PDE1C: variants seen among roughly 807,000 people sequenced by gnomAD.
The protein encoded by PDE1C is phosphodiesterase 1C.
In PDE1C, 62 loss-of-function variants were observed where a neutral mutation model predicts 93.1. That is an observed-to-expected ratio of 0.67 (90% CI 0.54 to 0.82). The LOEUF is 0.82. Ranked by LOEUF, PDE1C falls within the 40% of genes least tolerant of loss-of-function variation. The pLI, the probability that PDE1C is intolerant of heterozygous loss-of-function variation, is 0.00. For missense variants in PDE1C, 742 were observed against 884.6 expected (o/e 0.84, Z 2.04); for synonymous variants, 325 against 310.1 (o/e 1.05, Z -0.50).
intron 3 of PDE1C, among the ~76,000 whole-genome samples, chr7:32,131,385 A>G (rs749238757): frequency 2.6e-5 from 4 of 152,156 alleles, no homozygotes; most frequent in East Asian, 1.9e-4. Flanking sequence ...AACCTAGTTC[A>G]TGGTAGATTC....
intron 1 of PDE1C, among the ~76,000 whole-genome samples, chr7:32,379,523 C>T (rs1475234897): frequency 6.6e-6 from 1 of 152,156 alleles, no homozygotes; most frequent in East Asian, 1.9e-4. Context: ...CAGCCCAATT[C>T]CACCCCTACA....
chr7:32,184,774 A>G (rs1310090015), intron 2 of PDE1C, among the ~76,000 whole-genome samples: 1 of 152,166 alleles, frequency 6.6e-6, no homozygotes, highest in Non-Finnish European at 1.5e-5. Context: ...GTGCACATGT[A>G]CCCTAAAACT....
chr7:31,683,680 C>G, the PDE1C span, among the ~76,000 whole-genome samples: 1 of 152,110 alleles, frequency 6.6e-6, no homozygotes, highest in South Asian at 2.1e-4. Context: ...TCTCTCTTTC[C>G]CCCTCCCTGA....
chr7:31,623,733 C>A, the PDE1C span, among the ~76,000 whole-genome samples: 1 of 143,952 alleles, frequency 6.9e-6, no homozygotes, highest in African/African-American at 2.5e-5. Flanking sequence ...ACCTCTATCA[C>A]CACGCCTATT....
At chr7:32,168,054 T>C (rs1190345751) in intron 3 of PDE1C, among the ~76,000 whole-genome samples, 2 of 152,150 alleles carry the variant, frequency 1.3e-5, no homozygotes, top group Non-Finnish European at 2.9e-5. Flanking sequence ...GAAGAAAGGA[T>C]AGTTACAAAA....
chr7:31,667,746 T>G, the PDE1C span, among the ~76,000 whole-genome samples: 1 of 152,014 alleles, frequency 6.6e-6, no homozygotes, highest in East Asian at 1.9e-4. Context: ...CGAGGTAGGA[T>G]GGCTCTGTCA....
Position 31,816,088 on chromosome 7 carries a change from A to G in PDE1C, c.1649T>C (p.Met550Thr), listed in dbSNP as rs145469427. 1.0e-4 allele frequency: 168 copies of G among 1,613,470 alleles called. No individual in the cohort carries two copies. Among genetic ancestry groups the G allele is most frequent in the Admixed American group, 6.7e-5 (4 of 59,944 alleles). Reference protein sequence around the residue: ...RLAAEEQQKEMEAKSQAEEGA... With the variant: ...RLAAEEQQKETEAKSQAEEGA... ...TTCTTCAGCCTGGCTTTTGGCTTCC[A>G]TTTCCTTTTGCTGCTCCTCTGCGGC... The change falls in exon 15 of 18, where the codon ATG becomes ACG. Residue 550 changes from methionine (M) to threonine (T), a missense_variant. Physicochemically the swap from Met to Thr is moderately conservative, Grantham distance 81 (BLOSUM62 -1). This residue lies in a region of PDE1C where 454 missense variants were observed against 459.4 expected (regional missense o/e 0.99). Transcript: ENST00000396191.
At chr7:32,011,196 ATT>A (rs34261812) in intron 2 of PDE1C, among the ~76,000 whole-genome samples, 23 of 146,690 alleles carry the variant, frequency 1.6e-4, no homozygotes, top group African/African-American at 3.0e-4. Flanking sequence ...TAAATTAACA[ATT>A]TTTTTTTTTT....
At chr7:32,180,971 G>A (rs1803365080) in intron 2 of PDE1C, among the ~76,000 whole-genome samples, 1 of 152,178 alleles carries the variant, frequency 6.6e-6, no homozygotes, top group Admixed American at 6.5e-5. Flanking sequence ...ATAATAGCTG[G>A]AAGTAATGAG....
At chr7:31,934,306 A>T (rs1804725146) in intron 2 of PDE1C, among the ~76,000 whole-genome samples, 1 of 152,196 alleles carries the variant, frequency 6.6e-6, no homozygotes. Flanking sequence ...GTTTTTTAAA[A>T]TGTGCCCACT....
intron 3 of PDE1C, among the ~76,000 whole-genome samples, chr7:32,152,728 T>A (rs760002357): frequency 1.3e-5 from 2 of 152,214 alleles, no homozygotes; most frequent in Non-Finnish European, 2.9e-5. Context: ...AATCTAAATG[T>A]CCAGCAATAG....
the PDE1C span, among the ~76,000 whole-genome samples, chr7:31,743,572 T>C: frequency 5.4e-5 from 8 of 148,150 alleles, no homozygotes; most frequent in East Asian, 2.0e-4. Flanking sequence ...TGTGTGTGTG[T>C]GCGCACACAC....
chr7:32,242,281 A>G (rs1225910425), intron 1 of PDE1C, among the ~76,000 whole-genome samples: 2 of 152,190 alleles, frequency 1.3e-5, no homozygotes, highest in Non-Finnish European at 2.9e-5. Context: ...GACAATGAAG[A>G]TAGGTTCAAG....
intron 1 of PDE1C, among the ~76,000 whole-genome samples, chr7:32,307,551 C>T (rs1472191175): frequency 6.6e-6 from 1 of 152,168 alleles, no homozygotes; most frequent in Admixed American, 6.5e-5. Flanking sequence ...ACCCTATCCT[C>T]TCCACTGTTT....
At chr7:32,341,620 G>A (rs1027299125) in intron 1 of PDE1C, among the ~76,000 whole-genome samples, 3 of 152,102 alleles carry the variant, frequency 2.0e-5, no homozygotes, top group Non-Finnish European at 2.9e-5. Flanking sequence ...CTCGGGAGTG[G>A]GCATAGTGGA....
chr7:31,824,587 C>T (rs1046699508), intron 13 of PDE1C, among the ~76,000 whole-genome samples: 1 of 152,026 alleles, frequency 6.6e-6, no homozygotes, highest in Non-Finnish European at 1.5e-5. Context: ...ATTGTCTGGG[C>T]ACAGCAGGTA....
At chr7:32,175,017 T>C (rs565905679) in intron 2 of PDE1C, among the ~76,000 whole-genome samples, 10 of 152,314 alleles carry the variant, frequency 6.6e-5, no homozygotes, top group African/African-American at 2.4e-4. Flanking sequence ...AGAAGGATCA[T>C]GAGACCCAAG....
At chr7:32,311,197 A>C (rs2128904594) in intron 1 of PDE1C, among the ~76,000 whole-genome samples, 1 of 152,326 alleles carries the variant, frequency 6.6e-6, no homozygotes, top group South Asian at 2.1e-4. Context: ...CCCAAGACTA[A>C]ACCAGGAAGA....
At chr7:32,389,204 TTG>T (rs1281167060) in intron 1 of PDE1C, among the ~76,000 whole-genome samples, 215 of 86,736 alleles carry the variant, frequency 2.5e-3, no homozygotes, top group African/African-American at 0.015. Context: ...TTTTTGGTTT[TTG>T]TTTGTTTGTT....
Sources: gnomAD v4.1 joint callset for allele counts (sites outside exome capture counted in the v4.1 genomes callset) on GRCh38, gnomAD v4.1.1 for gene constraint, gnomAD v4.1.1 regional missense constraint, MANE v1.5 for transcripts, NCBI Gene and HGNC (gene_info 2026-07-23, HGNC 2026-07-21) for gene names.